EPS15L1: variants seen among roughly 807,000 people sequenced by gnomAD.
The protein encoded by EPS15L1 is epidermal growth factor receptor substrate 15-like 1.
In EPS15L1, 43 loss-of-function variants were observed where a neutral mutation model predicts 117.1. That is an observed-to-expected ratio of 0.37 (90% CI 0.29 to 0.47). The LOEUF (loss-of-function observed/expected upper bound fraction) is 0.47. Among genes scored for constraint, EPS15L1 ranks in the 20% least tolerant of loss-of-function variants. The pLI is 0.99. For missense variants in EPS15L1, 981 were observed against 1,164.0 expected, an observed-to-expected ratio of 0.84 and a Z score of 2.29; for synonymous variants, 459 against 470.5, an observed-to-expected ratio of 0.98 and a Z score of 0.32.
At chr19:16,389,790 A>G (rs140975552) in intron 19 of EPS15L1, among the ~76,000 whole-genome samples, 1 of 152,340 alleles carries the variant, frequency 6.6e-6, no homozygotes, top group East Asian at 1.9e-4. Flanking sequence ...CAAGTTTTCT[A>G]TATTTTACAT....
At chr19:16,463,044 G>A (rs1308951401) in intron 1 of EPS15L1, among the ~76,000 whole-genome samples, 1 of 152,138 alleles carries the variant, frequency 6.6e-6, no homozygotes, top group Admixed American at 6.5e-5. Flanking sequence ...TGGAGGGTGG[G>A]GCTCGGTTTT....
At chr19:16,378,419 G>A (rs746530561) in intron 21 of EPS15L1, among the ~76,000 whole-genome samples, 2 of 152,018 alleles carry the variant, frequency 1.3e-5, no homozygotes, top group Admixed American at 6.5e-5. Flanking sequence ...TCTCCTGCTG[G>A]GGAACTCGGC....
chr19:16,437,161 C>A, intron 5 of EPS15L1, 162 bp from the exon 6 acceptor site: 1 of 608,418 alleles, frequency 1.6e-6, no homozygotes, highest in Non-Finnish European at 3.0e-6. Context: ...TCCACTCCTA[C>A]GTATTGACCC....
chr19:16,431,704 T>C (rs950614622), intron 7 of EPS15L1, among the ~76,000 whole-genome samples: 9 of 152,196 alleles, frequency 5.9e-5, no homozygotes, highest in Admixed American at 4.6e-4. Flanking sequence ...ATTTGAATGT[T>C]CCCAACACAA....
chr19:16,429,332 C>T (rs775486302), intron 7 of EPS15L1, among the ~76,000 whole-genome samples: 1 of 152,156 alleles, frequency 6.6e-6, no homozygotes. Context: ...AGCACCATCA[C>T]GCTGCCAGCT....
chr19:16,379,741 C>T (rs892466598), intron 21 of EPS15L1, among the ~76,000 whole-genome samples: 2 of 151,994 alleles, frequency 1.3e-5, no homozygotes, highest in African/African-American at 2.4e-5. Context: ...GTCACACAGA[C>T]GTGGCCGTCT....
At chr19:16,409,473 CA>C (rs963437993) in intron 13 of EPS15L1, among the ~76,000 whole-genome samples, 1 of 151,818 alleles carries the variant, frequency 6.6e-6, no homozygotes, top group African/African-American at 2.4e-5. Context: ...GCAACAGCAG[CA>C]AAAAAAGGAT....
intron 12 of EPS15L1, 98 bp from the exon 13 acceptor site, chr19:16,413,943 G>A: frequency 1.2e-6 from 1 of 868,066 alleles, no homozygotes; most frequent in Non-Finnish European, 1.9e-6. Flanking sequence ...AAGCCCCTCT[G>A]TGTGCTGGCA....
chr19:16,375,431 T>C (rs2092282873), intron 22 of EPS15L1, among the ~76,000 whole-genome samples: 1 of 151,890 alleles, frequency 6.6e-6, no homozygotes, highest in Non-Finnish European at 1.5e-5. Context: ...CATGCATGTG[T>C]GCCAGCTGTG....
At chr19:16,438,016 C>T in intron 4 of EPS15L1, 151 bp from the exon 5 acceptor site, 1 of 620,440 alleles carries the variant, frequency 1.6e-6, no homozygotes, top group Non-Finnish European at 2.9e-6. Flanking sequence ...TTGGGCTGAA[C>T]TGGACTCACC....
At position 16,404,860 on chromosome 19, in the gene EPS15L1, CTG is replaced by C. The variant is rs1599590723; in HGVS notation, c.1267-113_1267-112del. The C allele has an allele frequency of 8.3e-7, 1 of 1,198,792 alleles. No homozygotes were observed. The allele number at this position is 1,198,792 out of a possible 1,614,324, so 74.3% of individuals were successfully genotyped here. A position where few individuals can be genotyped will look rare whatever the true frequency, so the allele number is the denominator to read the frequency against. On this transcript the variant is annotated intron_variant, in intron 13 of 23. Transcript: ENST00000455140. The surrounding 1 kb of genome is among the most constrained non-coding windows in gnomAD (Gnocchi z 4.2). ...CAGGGGAAGCCTCCGAAACCACCCA[CTG>C]TGACCGTGCTCAGGGCCAGCATTCC...
intron 1 of EPS15L1, among the ~76,000 whole-genome samples, chr19:16,465,279 C>T (rs1568474287): frequency 1.3e-5 from 2 of 152,122 alleles, no homozygotes; most frequent in Non-Finnish European, 1.5e-5. Context: ...CCTCCTGCAG[C>T]TTGGACCACC....
At chr19:16,376,560 G>C (rs2092298134) in intron 22 of EPS15L1, among the ~76,000 whole-genome samples, 1 of 152,178 alleles carries the variant, frequency 6.6e-6, no homozygotes, top group Non-Finnish European at 1.5e-5. Flanking sequence ...GCAGAGGGGA[G>C]CCCCGAGCCA....
chr19:16,420,470 G>A (rs1046815090), intron 10 of EPS15L1, among the ~76,000 whole-genome samples: 1 of 152,226 alleles, frequency 6.6e-6, no homozygotes, highest in Non-Finnish European at 1.5e-5. Context: ...TCCCTAGCCA[G>A]TTGGAGGCGG....
intron 1 of EPS15L1, among the ~76,000 whole-genome samples, chr19:16,450,276 C>T (rs117294274): frequency 0.017 from 2,597 of 152,002 alleles, 32 homozygotes; most frequent in Middle Eastern, 0.031. Context: ...ACCTTGATTC[C>T]GTGCTCTGAT....
rs1466196150 is a variant in EPS15L1 at position 16,405,528 on chromosome 19, A to G, written c.1267-779T>C. On this transcript the variant is annotated intron_variant, in intron 13 of 23. Transcript: ENST00000455140. The surrounding 1 kb of genome is among the most constrained non-coding windows in gnomAD (Gnocchi z 4.0). ...CATCCTGGAAGCATACAGCGTGTGC[A>G]GAGGTATACAACGTCTATGACAGCA... Among the ~76,000 whole-genome samples the G allele has an allele frequency of 2.6e-5, 4 of 152,238 alleles. No individual in the cohort carries two copies. Among genetic ancestry groups the G allele is most frequent in the African/African-American group, 9.6e-5 (4 of 41,470 alleles).
chr19:16,413,729 A>G, intron 13 of EPS15L1, 44 bp downstream of exon 13: 1 of 1,544,668 alleles, frequency 6.5e-7, no homozygotes. Context: ...CCTGAACTAC[A>G]TTTAGCACAA....
intron 1 of EPS15L1, among the ~76,000 whole-genome samples, chr19:16,449,739 A>G (rs981778001): frequency 2.0e-5 from 3 of 152,152 alleles, no homozygotes; most frequent in African/African-American, 7.2e-5. Context: ...CCAAACTGGT[A>G]ACACCCCGGA....
chr19:16,373,705 G>C (rs1313611718), intron 22 of EPS15L1, among the ~76,000 whole-genome samples: 1 of 152,140 alleles, frequency 6.6e-6, no homozygotes, highest in Non-Finnish European at 1.5e-5. Flanking sequence ...ACAGAGCCCG[G>C]CTCTGATTCC....
Sources: allele counts gnomAD v4.1 joint callset (sites outside exome capture counted in the v4.1 genomes callset), GRCh38; gene constraint gnomAD v4.1.1; non-coding constraint Gnocchi (gnomAD v3.1); transcripts MANE v1.5; gene names NCBI Gene and HGNC (gene_info 2026-07-23, HGNC 2026-07-21).